The following MGAM2 variants were observed in gnomAD, a reference collection of about 807,000 sequenced individuals.
MGAM2 encodes the protein maltase-glucoamylase 2 (putative).
MGAM2 carries 98 observed loss-of-function variants against 96.1 expected under a neutral mutation model. The ratio of observed to expected loss-of-function variants is 1.02; its 90% CI spans 0.87 to 1.21. The LOEUF (loss-of-function observed/expected upper bound fraction) is 1.21, where lower values mean the gene tolerates loss of function less well. MGAM2 is among the 50% of genes most tolerant of loss of function. The probability of loss-of-function intolerance (pLI) is 0.00; values close to 1 mark genes in which losing one functional copy is unlikely to be tolerated. For missense variants in MGAM2, 2,055 were observed against 1,182.4 expected, an observed-to-expected ratio of 1.74 and a Z score of -10.82; for synonymous variants, 749 against 414.8, an observed-to-expected ratio of 1.81 and a Z score of -9.79.
At chr7:142,142,750 C>G (rs1305247995) in intron 12 of MGAM2, among the ~76,000 whole-genome samples, 3 of 151,992 alleles carry the variant, frequency 2.0e-5, no homozygotes, top group Admixed American at 1.3e-4. Flanking sequence ...GAATTTCACT[C>G]TCTCGGCCAG....
At position 142,131,057 on chromosome 7, in the gene MGAM2, C is replaced by T. The variant is rs1290616808; in HGVS notation, c.296C>T (p.Thr99Ile). ...NWGYEASNGH[T>I]NTSTGFTAQL... is the part of the protein sequence containing the mutation. Reference sequence around the variant, plus strand: ...GGCTATGAAGCCAGCAATGGCCATACAAATACAAGCACAGGTGAGCACTGC... The same window carrying T: ...GGCTATGAAGCCAGCAATGGCCATATAAATACAAGCACAGGTGAGCACTGC... Residue 99 changes from threonine (T) to isoleucine (I), a missense_variant, in exon 4 of 48, where the codon ACA becomes ATA. By Grantham distance (89) the Thr-to-Ile change is moderately conservative (BLOSUM62 -1). Transcript: ENST00000477922. The T allele has an allele frequency of 3.1e-5, 22 of 702,514 alleles. No individual in the cohort carries two copies. Among genetic ancestry groups the T allele is most frequent in the Non-Finnish European group, 5.2e-5 (20 of 385,016 alleles). 43.5% of individuals were successfully genotyped at this position (702,514 alleles called of 1,614,324 possible). A position where few individuals can be genotyped will look rare whatever the true frequency, so the allele number is the denominator to read the frequency against.
chr7:142,133,509 G>A lies in MGAM2; in HGVS notation c.576-472G>A, dbSNP rs180672550. ...TTCAGCTTAATTCACAAACTGTACTGGAGTAAACAGAAGTATTAGTGTCTG... is the reference window on the plus strand; with the variant it reads ...TTCAGCTTAATTCACAAACTGTACTAGAGTAAACAGAAGTATTAGTGTCTG... On this transcript the variant is annotated intron_variant, in intron 6 of 47. Transcript: ENST00000477922. 3.1e-4 allele frequency among the ~76,000 whole-genome samples: 47 copies of A among 151,950 alleles called. No individual in the cohort carries two copies. In the East Asian group the frequency reaches 8.9e-3, roughly 29 times the overall value.
chr7:142,167,287 T>C lies in MGAM2; in HGVS notation c.2828T>C (p.Val943Ala), dbSNP rs1224108556. The change falls in exon 26 of 48, where the codon GTG (valine) becomes GCG (alanine). Residue 943 changes from valine (V) to alanine (A), a missense_variant. Val to Ala is a moderately conservative substitution (Grantham distance 64). Coordinates refer to ENST00000477922, the MANE Select transcript of MGAM2 (RefSeq NM_001293626.2). ...TTCCAGGACACATCTACTCCTGGAG[T>C]GCCCACCTGTTACTATGACACCATC... Reference protein sequence around the residue: ...CLWEDTSTPGVPTCYYDTIPN... With the variant: ...CLWEDTSTPGAPTCYYDTIPN... 2.9e-6 allele frequency: 2 copies of C among 698,864 alleles called. No homozygotes were observed. The highest frequency in any genetic ancestry group is 1.5e-5 in the South Asian group (1 of 67,018). 43.3% of individuals were successfully genotyped at this position (698,864 alleles called of 1,614,324 possible). A position where few individuals can be genotyped will look rare whatever the true frequency, so the allele number is the denominator to read the frequency against.
chr7:142,176,532 C>A lies in MGAM2; in HGVS notation c.3816+752C>A, dbSNP rs146429572. Among the ~76,000 whole-genome samples the A allele has an allele frequency of 5.3e-5, 8 of 152,084 alleles. No homozygotes were observed. In the East Asian group the frequency reaches 1.5e-3, roughly 29 times the overall value. On this transcript the variant is annotated intron_variant, in intron 32 of 47. Transcript: ENST00000477922. ...CTCTTTTTCTTATAAAGTTTTTATT[C>A]TAATGGAGGGAGACAGCCAATAAAC... is the stretch of plus-strand genomic sequence containing the variant.
Position 142,154,842 on chromosome 7 carries a change from C to A in MGAM2, c.1920C>A (p.Phe640Leu). 1 of 703,130 alleles carries A rather than the reference C, an allele frequency of 1.4e-6. No homozygotes were observed. Among genetic ancestry groups the A allele is most frequent in the Non-Finnish European group, 2.6e-6 (1 of 384,928 alleles). 43.6% of individuals were successfully genotyped at this position (703,130 alleles called of 1,614,324 possible). Residue 640 changes from phenylalanine (F) to leucine (L), a missense_variant, in exon 17 of 48, where the codon TTC (phenylalanine) becomes TTA (leucine). Coordinates refer to ENST00000477922, the MANE Select transcript of MGAM2 (RefSeq NM_001293626.2). ...PLPRNHNGPG[F>L]RDQDPAAFGV... Reference sequence around the variant, plus strand: ...CAAGGAATCACAATGGGCCTGGGTTCAGGGTAAGGTCACCAAAAGAAGTGA... The same window carrying A: ...CAAGGAATCACAATGGGCCTGGGTTAAGGGTAAGGTCACCAAAAGAAGTGA...
chr7:142,160,059 G>T, intron 20 of MGAM2, 75 bp from the exon 21 acceptor site: 1 of 622,768 alleles, frequency 1.6e-6, no homozygotes, highest in South Asian at 1.9e-5. Flanking sequence ...TCAACTGAAT[G>T]AGATGATACC....
rs905896500 is a variant in MGAM2, at chr7:142,167,253, C to G, written c.2809-15C>G. 4 of 668,828 alleles carry G rather than the reference C, an allele frequency of 6.0e-6. No homozygotes were observed. The highest frequency in any genetic ancestry group is 5.3e-5 in the African/African-American group (3 of 56,564). The allele number at this position is 668,828 out of a possible 1,614,324, so 41.4% of individuals were successfully genotyped here. ...TGTATCAGAGGCTGAGCAAGACTTT[C>G]TCCTGTTATTCCAGGACACATCTAC... On this transcript the variant is annotated splice_polypyrimidine_tract_variant and intron_variant, in intron 25 of 47. Coordinates refer to ENST00000477922, the MANE Select transcript of MGAM2 (RefSeq NM_001293626.2).
intron 38 of MGAM2, 119 bp from the exon 39 acceptor site, chr7:142,196,446 T>C (rs1797038993): frequency 3.0e-6 from 2 of 665,570 alleles, no homozygotes; most frequent in Non-Finnish European, 5.4e-6. Flanking sequence ...TACACCCATC[T>C]TTTAATATTT....
At chr7:142,217,608 C>A (rs535308324) in intron 46 of MGAM2, among the ~76,000 whole-genome samples, 1 of 152,028 alleles carries the variant, frequency 6.6e-6, no homozygotes, top group Non-Finnish European at 1.5e-5. Flanking sequence ...ATTATAGTAA[C>A]CAGAGGCTGG....
chr7:142,114,354 A>G (rs940062997), intron 1 of MGAM2, among the ~76,000 whole-genome samples: 2 of 152,082 alleles, frequency 1.3e-5, no homozygotes, highest in Admixed American at 1.3e-4. Flanking sequence ...TGATTAAGAC[A>G]GCGCCCATTG....
intron 3 of MGAM2, among the ~76,000 whole-genome samples, chr7:142,123,985 T>A (rs1035072634): frequency 1.4e-4 from 20 of 146,546 alleles, no homozygotes; most frequent in African/African-American, 2.3e-4. Context: ...TTTTTTTTTT[T>A]TTTTTGAGAC....
chr7:142,221,299 G>A lies in MGAM2; in HGVS notation c.6788G>A (p.Gly2263Asp). ...NSISITTTSF[G>D]NSVPFVTTPS... Reference sequence around the variant, plus strand: ...ATTTCCATAACAACTACTTCTTTTGGTAATAGTGTTCCTTTTGTGACTACT... The same window carrying A: ...ATTTCCATAACAACTACTTCTTTTGATAATAGTGTTCCTTTTGTGACTACT... Residue 2263 changes from glycine to aspartate, a missense_variant, in exon 48 of 48, where the codon GGT becomes GAT. Coordinates refer to ENST00000477922, the MANE Select transcript of MGAM2 (RefSeq NM_001293626.2). 1 of 665,374 alleles carries A rather than the reference G, an allele frequency of 1.5e-6. No homozygotes were observed. Among genetic ancestry groups the A allele is most frequent in the Non-Finnish European group, 2.7e-6 (1 of 366,552 alleles). 41.2% of individuals were successfully genotyped at this position (665,374 alleles called of 1,614,324 possible).
intron 31 of MGAM2, among the ~76,000 whole-genome samples, chr7:142,173,936 G>T (rs779869372): frequency 4.6e-5 from 7 of 152,104 alleles, no homozygotes; most frequent in Non-Finnish European, 1.0e-4. Flanking sequence ...GAATAAGGGA[G>T]TCCTTTCCCC....
At chr7:142,161,021 G>A in intron 21 of MGAM2, 104 bp from the exon 22 acceptor site, 1 of 618,672 alleles carries the variant, frequency 1.6e-6, no homozygotes, top group East Asian at 2.8e-5. Context: ...CTCAGTTTCT[G>A]GTATAGACTC....
At chr7:142,162,359 C>T (rs766107858) in intron 23 of MGAM2, among the ~76,000 whole-genome samples, 26 of 152,080 alleles carry the variant, frequency 1.7e-4, no homozygotes, top group Non-Finnish European at 2.5e-4. Flanking sequence ...AAGGTTCTTC[C>T]ATAATGGCTG....
rs1319911800 is a variant in MGAM2 at position 142,160,260 on chromosome 7, T to C, written c.2345+2T>C. The C allele has an allele frequency of 1.4e-6, 1 of 697,720 alleles. No individual in the cohort carries two copies. Among genetic ancestry groups the C allele is most frequent in the Non-Finnish European group, 2.6e-6 (1 of 382,620 alleles). The allele number at this position is 697,720 out of a possible 1,614,324, so 43.2% of individuals were successfully genotyped here. On this transcript the variant is annotated splice_donor_variant, in intron 21 of 47. Transcript: ENST00000477922. LOFTEE classifies it high-confidence loss of function. ...GCCAAACACAACCACAGAAGCCAGG[T>C]AAGCTCCTTACTCTTCTAAGGTATG... is the stretch of plus-strand genomic sequence containing the variant.
chr7:142,116,054 T>A (rs1817390221), intron 1 of MGAM2, among the ~76,000 whole-genome samples: 1 of 152,134 alleles, frequency 6.6e-6, no homozygotes, highest in East Asian at 1.9e-4. Context: ...TGTAGACATG[T>A]AATAATGTTA....
intron 3 of MGAM2, among the ~76,000 whole-genome samples, chr7:142,124,809 C>T (rs115742284): frequency 6.6e-6 from 1 of 152,058 alleles, no homozygotes; most frequent in African/African-American, 2.4e-5. Flanking sequence ...CTATTTGATT[C>T]TATTCAAATC....
chr7:142,156,396 T>C (rs985399265), intron 17 of MGAM2, among the ~76,000 whole-genome samples: 1 of 152,262 alleles, frequency 6.6e-6, no homozygotes, highest in Non-Finnish European at 1.5e-5. Flanking sequence ...TAAGATTTTT[T>C]GTATGCAGTT....
Sources: allele counts gnomAD v4.1 joint callset (sites outside exome capture counted in the v4.1 genomes callset), GRCh38; gene constraint gnomAD v4.1.1; transcripts MANE v1.5; gene names NCBI Gene and HGNC (gene_info 2026-07-23, HGNC 2026-07-21).